CELF2: variants seen among roughly 807,000 people sequenced by gnomAD.
The protein encoded by CELF2 is CUGBP Elav-like family member 2.
Under a neutral mutation model 62.6 loss-of-function variants are expected in CELF2, and 8 were observed. The ratio of observed to expected loss-of-function variants is 0.13; its 90% confidence interval spans 0.07 to 0.23. The LOEUF (loss-of-function observed/expected upper bound fraction) is 0.23. Ranked by LOEUF, CELF2 falls within the 10% of genes least tolerant of loss-of-function variation. CELF2 has a pLI of 1.00. For synonymous variants in CELF2, 258 were observed against 250.0 expected (o/e 1.03, Z -0.30); for missense variants, 333 against 671.0 (o/e 0.50, Z 5.56).
chr10:10,525,325 C>A, the CELF2 span, among the ~76,000 whole-genome samples: 886 of 152,272 alleles, frequency 5.8e-3, 18 homozygotes, highest in African/African-American at 0.021. Flanking sequence ...AGGTGGCTGA[C>A]ACAAATTCAT....
chr10:11,037,020 T>G (rs2061060807), intron 1 of CELF2, among the ~76,000 whole-genome samples: 1 of 152,206 alleles, frequency 6.6e-6, no homozygotes, highest in African/African-American at 2.4e-5. Flanking sequence ...CATACTTCCC[T>G]TTTTAGAGAG....
chr10:11,250,939 C>G (rs536078310), intron 4 of CELF2, among the ~76,000 whole-genome samples: 5 of 152,352 alleles, frequency 3.3e-5, no homozygotes, highest in Admixed American at 3.3e-4. Context: ...CCCAGGCGGG[C>G]TCCTTTCAGC....
In CELF2 at chr10:11,314,475, T is replaced by G; in HGVS notation, c.1096+217T>G. 1 of 636,508 alleles carries G rather than the reference T, an allele frequency of 1.6e-6. No homozygotes were observed. 39.4% of individuals were successfully genotyped at this position (636,508 alleles called of 1,614,324 possible). ...CTCTCCACCCCCAGATTCTCTTCAG[T>G]GTGTAGCACAGCGCGTGTGCTCATC... is the stretch of plus-strand genomic sequence containing the variant. On this transcript the variant is annotated intron_variant, in intron 10 of 12. Coordinates refer to ENST00000633077, the MANE Select transcript of CELF2 (RefSeq NM_001326342.2). The surrounding 1 kb of genome is among the most constrained non-coding windows in gnomAD (Gnocchi z 5.3).
At chr10:10,878,977 T>C (rs925431708) in intron 1 of CELF2, among the ~76,000 whole-genome samples, 5 of 152,144 alleles carry the variant, frequency 3.3e-5, no homozygotes, top group African/African-American at 1.2e-4. Context: ...CTTTTCACAC[T>C]TCTCACTCCC....
intron 2 of CELF2, among the ~76,000 whole-genome samples, chr10:11,201,455 A>C (rs1338946032): frequency 6.6e-6 from 1 of 152,108 alleles, no homozygotes; most frequent in Non-Finnish European, 1.5e-5. Flanking sequence ...ACCTGTGTCC[A>C]TTCAAAAGGA....
chr10:11,143,781 C>G (rs1333799750), intron 1 of CELF2, among the ~76,000 whole-genome samples: 2 of 152,230 alleles, frequency 1.3e-5, no homozygotes, highest in Non-Finnish European at 2.9e-5. Flanking sequence ...TAGAAAGTCT[C>G]TAGACATATA....
intron 1 of CELF2, among the ~76,000 whole-genome samples, chr10:10,836,437 G>T (rs747941530): frequency 6.6e-6 from 1 of 152,130 alleles, no homozygotes; most frequent in East Asian, 1.9e-4. Flanking sequence ...GTGTCTATTC[G>T]ATATGACAAC....
chr10:11,095,150 C>T (rs528148816), intron 1 of CELF2, among the ~76,000 whole-genome samples: 5 of 152,206 alleles, frequency 3.3e-5, no homozygotes, highest in Admixed American at 1.3e-4. Flanking sequence ...GCGTGGCCCC[C>T]GTGATACTTT....
rs375248502 is a variant in CELF2 at position 11,098,622 on chromosome 10, C to T, written c.75-66864C>T. 1.6e-4 allele frequency: 25 copies of T among 152,046 alleles called. No homozygotes were observed. Among genetic ancestry groups the T allele is most frequent in the African/African-American group, 6.0e-4 (25 of 41,394 alleles). The allele number at this position is 152,046 out of a possible 1,614,324, so 9.4% of individuals were successfully genotyped here. ...CACAGTGAGCACGCTCATTTTTTTT[C>T]CATTTTAGACAAATAATGCATGATA... On this transcript the variant is annotated intron_variant, in intron 1 of 12. Coordinates refer to ENST00000633077, the MANE Select transcript of CELF2 (RefSeq NM_001326342.2). This position sits in a 1 kb window ranked among gnomAD's most constrained non-coding sequence, Gnocchi z 4.0.
rs933819674 is a variant in CELF2 at position 11,305,120 on chromosome 10, G to A, written c.977-9019G>A. ...CCTTCCCAGTTCTACCAGTCTGATA[G>A]TCACCCCTCCTCCCACAGGAAATCC... On this transcript the variant is annotated intron_variant, in intron 9 of 12. Transcript: ENST00000633077. The surrounding 1 kb of genome is among the most constrained non-coding windows in gnomAD (Gnocchi z 4.8). 6.6e-5 allele frequency among the ~76,000 whole-genome samples: 10 copies of A among 152,132 alleles called. No homozygotes were observed. The highest frequency in any genetic ancestry group is 2.6e-4 in the Admixed American group (4 of 15,278).
chr10:10,526,943 C>T, the CELF2 span, among the ~76,000 whole-genome samples: 5 of 152,214 alleles, frequency 3.3e-5, no homozygotes, highest in Admixed American at 3.3e-4. Flanking sequence ...ATTAAACTTG[C>T]ACCACAGTTG....
chr10:10,708,779 G>A, the CELF2 span, among the ~76,000 whole-genome samples: 1 of 152,090 alleles, frequency 6.6e-6, no homozygotes, highest in East Asian at 1.9e-4. Flanking sequence ...AATATACTGG[G>A]AATGGTTGAA....
intron 9 of CELF2, among the ~76,000 whole-genome samples, chr10:11,292,879 T>G (rs2092700954): frequency 6.6e-6 from 1 of 152,210 alleles, no homozygotes; most frequent in Non-Finnish European, 1.5e-5. Context: ...GTTCTCCCTG[T>G]GAAGCATCAT....
intron 2 of CELF2, among the ~76,000 whole-genome samples, chr10:11,168,395 A>G (rs563829691): frequency 6.6e-6 from 1 of 152,352 alleles, no homozygotes; most frequent in East Asian, 1.9e-4. Flanking sequence ...GTATAATGAC[A>G]TTGCTCTCAG....
At chr10:10,487,786 T>C in the CELF2 span, among the ~76,000 whole-genome samples, 23 of 152,250 alleles carry the variant, frequency 1.5e-4, no homozygotes, top group East Asian at 4.4e-3. Flanking sequence ...GAATACCAAA[T>C]GAATTAGTAA....
chr10:10,699,854 C>G, the CELF2 span, among the ~76,000 whole-genome samples: 1,015 of 152,268 alleles, frequency 6.7e-3, 4 homozygotes, highest in East Asian at 0.019. Context: ...CTCTGGTGGC[C>G]TATTGTGAAG....
chr10:10,726,541 A>G, the CELF2 span, among the ~76,000 whole-genome samples: 1 of 152,122 alleles, frequency 6.6e-6, no homozygotes, highest in South Asian at 2.1e-4. Context: ...CGCTTTTAGA[A>G]TCTTCCTAAG....
chr10:10,506,127 G>C, the CELF2 span, among the ~76,000 whole-genome samples: 1 of 149,178 alleles, frequency 6.7e-6, no homozygotes, highest in African/African-American at 2.4e-5. Context: ...TATCCCTCTT[G>C]CAACAGCAAA....
the CELF2 span, among the ~76,000 whole-genome samples, chr10:10,622,951 C>T: frequency 2.8e-4 from 43 of 151,586 alleles, no homozygotes; most frequent in African/African-American, 1.2e-4. Context: ...GGCGTGGTGG[C>T]GGGCGCCTGT....
Sources: allele counts gnomAD v4.1 joint callset (sites outside exome capture counted in the v4.1 genomes callset), GRCh38; gene constraint gnomAD v4.1.1; non-coding constraint Gnocchi (gnomAD v3.1); transcripts MANE v1.5; gene names NCBI Gene and HGNC (gene_info 2026-07-23, HGNC 2026-07-21).